The following RIMS4 variants were observed in gnomAD, a reference collection of about 807,000 sequenced individuals.
RIMS4 encodes regulating synaptic membrane exocytosis 4.
A neutral mutation model predicts 29.0 loss-of-function variants in RIMS4; 9 were observed. The ratio of observed to expected loss-of-function variants is 0.31; its 90% CI spans 0.19 to 0.54. RIMS4 has a LOEUF of 0.54. Ranked by LOEUF, RIMS4 falls within the 20% of genes least tolerant of loss-of-function variation. RIMS4 has a pLI of 0.94. For missense variants in RIMS4, 193 were observed against 365.7 expected, an observed-to-expected ratio of 0.53 and a Z score of 3.85; for synonymous variants, 130 against 152.9, an observed-to-expected ratio of 0.85 and a Z score of 1.10.
intron 2 of RIMS4, among the ~76,000 whole-genome samples, chr20:44,764,207 C>CGTCCATCCCTTT: frequency 1.3e-5 from 2 of 149,670 alleles, no homozygotes; most frequent in African/African-American, 5.0e-5. Flanking sequence ...TCCATCCATC[C>CGTCCATCCCTTT]ATCCACCCAT....
At chr20:44,792,677 A>T (rs544805916) in intron 1 of RIMS4, among the ~76,000 whole-genome samples, 2 of 152,184 alleles carry the variant, frequency 1.3e-5, no homozygotes, top group Non-Finnish European at 2.9e-5. Context: ...TGGGTATGAC[A>T]ATGGTATACC....
chr20:44,778,760 C>A (rs765688918), intron 1 of RIMS4, among the ~76,000 whole-genome samples: 1 of 152,182 alleles, frequency 6.6e-6, no homozygotes, highest in Admixed American at 6.5e-5. Flanking sequence ...GGCAGCATGG[C>A]CTAATGGTTA....
In RIMS4 at chr20:44,752,421, T is replaced by A. The variant is rs2066037696; in HGVS notation, c.*3713A>T. On this transcript the variant is annotated 3_prime_UTR_variant, in exon 6 of 6. Coordinates refer to ENST00000372851, the MANE Select transcript of RIMS4 (RefSeq NM_182970.4). ...GAAGGGAATTGGCTTGTGAAGTACA[T>A]AACCACCCCCTAAGCCACCTGCTCC... The A allele has an allele frequency of 6.6e-6, 1 of 152,202 alleles. No individual in the cohort carries two copies. Among genetic ancestry groups the A allele is most frequent in the Non-Finnish European group, 1.5e-5 (1 of 68,072 alleles). 9.4% of individuals were successfully genotyped at this position (152,202 alleles called of 1,614,324 possible).
intron 1 of RIMS4, among the ~76,000 whole-genome samples, chr20:44,774,997 C>G (rs372921659): frequency 6.6e-6 from 1 of 152,166 alleles, no homozygotes; most frequent in Non-Finnish European, 1.5e-5. Flanking sequence ...TCCATCAGGG[C>G]GGCTTACTAA....
chr20:44,760,233 A>G (rs74174920), intron 2 of RIMS4, among the ~76,000 whole-genome samples: 6,519 of 152,308 alleles, frequency 0.043, 165 homozygotes, highest in Non-Finnish European at 0.051. Flanking sequence ...CTGGGGGATG[A>G]CAGAAAACTC....
chr20:44,791,700 C>T (rs541727161), intron 1 of RIMS4, among the ~76,000 whole-genome samples: 1 of 152,302 alleles, frequency 6.6e-6, no homozygotes, highest in South Asian at 2.1e-4. Flanking sequence ...AGTTCCAACT[C>T]GACCTGCCTG....
chr20:44,778,721 C>T, intron 1 of RIMS4, among the ~76,000 whole-genome samples: 1 of 152,170 alleles, frequency 6.6e-6, no homozygotes, highest in Admixed American at 6.5e-5. Context: ...AGTCAACAGC[C>T]TTTCACTATT....
intron 1 of RIMS4, among the ~76,000 whole-genome samples, chr20:44,782,105 T>C (rs2066186978): frequency 6.6e-6 from 1 of 152,178 alleles, no homozygotes; most frequent in South Asian, 2.1e-4. Flanking sequence ...ACTGAACTAA[T>C]CTGAGTCTAA....
chr20:44,779,880 G>A (rs2066176235), intron 1 of RIMS4, among the ~76,000 whole-genome samples: 1 of 152,184 alleles, frequency 6.6e-6, no homozygotes, highest in African/African-American at 2.4e-5. Flanking sequence ...AGGAAGCAAT[G>A]TTCTGAAGAA....
chr20:44,780,436 C>T (rs2066179182), intron 1 of RIMS4, among the ~76,000 whole-genome samples: 1 of 152,194 alleles, frequency 6.6e-6, no homozygotes, highest in South Asian at 2.1e-4. Flanking sequence ...TACGAAGCAT[C>T]CCTATCTGTG....
intron 4 of RIMS4, 99 bp downstream of exon 4, chr20:44,757,571 C>G: frequency 3.1e-6 from 3 of 960,874 alleles, no homozygotes; most frequent in Admixed American, 3.5e-5. Context: ...GGGGTCCCCA[C>G]AGTTGGGCCC....
intron 2 of RIMS4, among the ~76,000 whole-genome samples, chr20:44,769,838 A>G (rs2066129087): frequency 6.6e-6 from 1 of 152,186 alleles, no homozygotes; most frequent in Non-Finnish European, 1.5e-5. Context: ...AAGGGAAGCA[A>G]AAGTGGAGGC....
intron 1 of RIMS4, among the ~76,000 whole-genome samples, chr20:44,804,885 G>A (rs532386120): frequency 4.6e-5 from 7 of 152,218 alleles, no homozygotes; most frequent in Admixed American, 1.3e-4. Flanking sequence ...AGAAAATAAG[G>A]AAAGAGCACT....
rs534483652 is a variant in RIMS4 at position 44,804,788 on chromosome 20, G to C, written c.97+5387C>G. 2.6e-5 allele frequency among the ~76,000 whole-genome samples: 4 copies of C among 152,262 alleles called. No homozygotes were observed. The East Asian group carries it at 7.7e-4, about 29-fold the overall frequency. ...TCCCCCTTCCCACCAAACAGAACTA[G>C]GTGGGCCTATGGCAGCTGCAAACCG... On this transcript the variant is annotated intron_variant, in intron 1 of 5. Transcript: ENST00000372851.
At chr20:44,760,258 G>T (rs187655065) in intron 2 of RIMS4, among the ~76,000 whole-genome samples, 2 of 152,178 alleles carry the variant, frequency 1.3e-5, no homozygotes, top group Non-Finnish European at 2.9e-5. Context: ...TAGGCTGGGG[G>T]GATCTGAAAG....
intron 1 of RIMS4, among the ~76,000 whole-genome samples, chr20:44,781,124 G>A (rs575410999): frequency 1.4e-5 from 2 of 146,694 alleles, no homozygotes; most frequent in South Asian, 2.1e-4. Flanking sequence ...AGTAGAGTGT[G>A]GGGGGGACAT....
At chr20:44,769,370 C>T (rs1244234507) in intron 2 of RIMS4, among the ~76,000 whole-genome samples, 1 of 152,214 alleles carries the variant, frequency 6.6e-6, no homozygotes, top group East Asian at 1.9e-4. Context: ...GCCCTTCCCA[C>T]AATCTAGTCC....
intron 1 of RIMS4, among the ~76,000 whole-genome samples, chr20:44,780,144 T>C (rs2066177668): frequency 6.6e-6 from 1 of 152,238 alleles, no homozygotes; most frequent in Non-Finnish European, 1.5e-5. Flanking sequence ...ATACCACCTC[T>C]AGTAAACTCA....
At position 44,755,495 on chromosome 20, in the gene RIMS4, G is replaced by A. The variant is rs374814980; in HGVS notation, c.*639C>T. The A allele has an allele frequency of 6.5e-6, 1 of 153,020 alleles. No homozygotes were observed. The highest frequency in any genetic ancestry group is 1.5e-5 in the Non-Finnish European group (1 of 68,364). The allele number at this position is 153,020 out of a possible 1,614,324, so 9.5% of individuals were successfully genotyped here. On this transcript the variant is annotated 3_prime_UTR_variant, in exon 6 of 6. Transcript: ENST00000372851. Reference sequence around the variant, plus strand: ...CTCCTCCTTTCCTTTGGTCCCTGCTGAACCCCAATTCCTAGAGCCACCAGA... The same window carrying A: ...CTCCTCCTTTCCTTTGGTCCCTGCTAAACCCCAATTCCTAGAGCCACCAGA...
Sources: allele counts gnomAD v4.1 joint callset (sites outside exome capture counted in the v4.1 genomes callset), GRCh38; gene constraint gnomAD v4.1.1; transcripts MANE v1.5; gene names NCBI Gene and HGNC (gene_info 2026-07-23, HGNC 2026-07-21).